Variants in KHDRBS2 observed in about 807,000 individuals in gnomAD.
KHDRBS2 encodes the protein KH RNA binding domain containing, signal transduction associated 2.
KHDRBS2 carries 26 observed loss-of-function variants against 44.3 expected under a neutral mutation model. The ratio of observed to expected loss-of-function variants is 0.59; its 90% CI spans 0.43 to 0.81. The LOEUF (loss-of-function observed/expected upper bound fraction) is 0.81. Ranked by LOEUF, KHDRBS2 falls within the 40% of genes least tolerant of loss-of-function variation. The pLI is 0.00. For missense variants in KHDRBS2, 476 were observed against 433.1 expected (o/e 1.10, Z -0.88); for synonymous variants, 194 against 151.1 (o/e 1.28, Z -2.08).
At chr6:62,197,920 A>T (rs975258893) in intron 1 of KHDRBS2, among the ~76,000 whole-genome samples, 2 of 152,228 alleles carry the variant, frequency 1.3e-5, no homozygotes, top group African/African-American at 4.8e-5. Flanking sequence ...ACTACAACTC[A>T]GCATTAAGAA....
chr6:62,282,995 A>C (rs1193174440), intron 1 of KHDRBS2, among the ~76,000 whole-genome samples: 6 of 152,156 alleles, frequency 3.9e-5, no homozygotes, highest in African/African-American at 9.6e-5. Flanking sequence ...AGCAGAAAAG[A>C]TATAAATAAA....
chr6:61,972,491 C>T (rs1771640628), intron 4 of KHDRBS2, among the ~76,000 whole-genome samples: 1 of 152,062 alleles, frequency 6.6e-6, no homozygotes, highest in Admixed American at 6.6e-5. Context: ...GTGCTTACTG[C>T]CATTAGCTAC....
intron 6 of KHDRBS2, 74 bp from the exon 7 acceptor site, chr6:61,732,838 T>G: frequency 1.2e-6 from 1 of 807,634 alleles, no homozygotes; most frequent in Non-Finnish European, 2.2e-6. Context: ...TTAGCACAAT[T>G]TTATACAATG....
the KHDRBS2 span, among the ~76,000 whole-genome samples, chr6:61,568,233 G>A: frequency 6.6e-6 from 1 of 151,994 alleles, no homozygotes; most frequent in Non-Finnish European, 1.5e-5. Context: ...TGTTGTTTTG[G>A]GTACTATAGC....
At chr6:61,955,841 C>G (rs1365322219) in intron 4 of KHDRBS2, among the ~76,000 whole-genome samples, 2 of 151,998 alleles carry the variant, frequency 1.3e-5, no homozygotes, top group East Asian at 3.9e-4. Context: ...CCTATGAGGT[C>G]AGCACTATAA....
chr6:61,572,507 TAACA>T, the KHDRBS2 span, among the ~76,000 whole-genome samples: 1 of 151,666 alleles, frequency 6.6e-6, no homozygotes, highest in South Asian at 2.1e-4. Context: ...GGAAAAGACA[TAACA>T]AACAAACAAA....
chr6:62,169,121 A>G (rs1235394123), intron 2 of KHDRBS2, among the ~76,000 whole-genome samples: 1 of 137,514 alleles, frequency 7.3e-6, no homozygotes, highest in Admixed American at 7.3e-5. Context: ...ATATGTGTGT[A>G]TATATACATA....
At chr6:61,820,084 T>C (rs1562244247) in intron 6 of KHDRBS2, among the ~76,000 whole-genome samples, 2 of 152,056 alleles carry the variant, frequency 1.3e-5, no homozygotes, top group Non-Finnish European at 2.9e-5. Flanking sequence ...TTCAAGAACC[T>C]TGCTCTCAAT....
chr6:61,630,739 G>A, the KHDRBS2 span, among the ~76,000 whole-genome samples: 351 of 152,242 alleles, frequency 2.3e-3, 2 homozygotes, highest in African/African-American at 8.2e-3. Flanking sequence ...TATTGAACAG[G>A]GGAAAGATTT....
intron 1 of KHDRBS2, among the ~76,000 whole-genome samples, chr6:62,199,533 T>A (rs1025076973): frequency 6.6e-6 from 1 of 152,102 alleles, no homozygotes; most frequent in Non-Finnish European, 1.5e-5. Flanking sequence ...ACAAGGGATG[T>A]GAAAGACCTC....
intron 1 of KHDRBS2, among the ~76,000 whole-genome samples, chr6:62,193,025 C>T (rs919938458): frequency 5.3e-5 from 8 of 152,000 alleles, no homozygotes; most frequent in African/African-American, 1.7e-4. Flanking sequence ...AATTGGAAGG[C>T]CATCTCCCTT....
At chr6:62,194,480 C>CTTTTTTTTTTTTTTTTT (rs70996208) in intron 1 of KHDRBS2, among the ~76,000 whole-genome samples, 13 of 69,772 alleles carry the variant, frequency 1.9e-4, no homozygotes, top group South Asian at 6.2e-4. Context: ...TCTTTTCTTC[C>CTTTTTTTTTTTTTTTTT]TTTTTTTTTT....
chr6:61,800,998 C>T (rs146749277), intron 6 of KHDRBS2, among the ~76,000 whole-genome samples: 2 of 152,202 alleles, frequency 1.3e-5, no homozygotes, highest in African/African-American at 2.4e-5. Flanking sequence ...TACTGGATTT[C>T]CTTTAGGCCA....
At chr6:61,722,084 T>A (rs139200510) in intron 7 of KHDRBS2, among the ~76,000 whole-genome samples, 1,722 of 152,250 alleles carry the variant, frequency 0.011, 33 homozygotes, top group African/African-American at 0.04. Context: ...ATTACATTTA[T>A]TGATTTGCGT....
chr6:62,254,535 A>C (rs1373292591), intron 1 of KHDRBS2, among the ~76,000 whole-genome samples: 1 of 152,070 alleles, frequency 6.6e-6, no homozygotes, highest in Non-Finnish European at 1.5e-5. Context: ...CAGTCATGCA[A>C]AGATCTGGGA....
chr6:61,725,601 A>T (rs1327345441), intron 7 of KHDRBS2, among the ~76,000 whole-genome samples: 1 of 152,146 alleles, frequency 6.6e-6, no homozygotes, highest in Non-Finnish European at 1.5e-5. Context: ...ATCAGAAATG[A>T]TAAGGGGGAT....
In KHDRBS2 at chr6:61,993,673, A is replaced by ATATTT. The variant is rs1425839225; in HGVS notation, c.337-15462_337-15461insAAATA. ...ATCATATATATATATATATATATATATTTTTTTTTTTTGATGTGAGCTTAT... is the reference window on the plus strand; with the variant it reads ...ATCATATATATATATATATATATATATATTTTTTTTTTTTTTTGATGTGAGCTTAT... On this transcript the variant is annotated intron_variant, in intron 3 of 8. Transcript: ENST00000281156. Among the ~76,000 whole-genome samples the ATATTT allele has an allele frequency of 1.1e-3, 128 of 115,674 alleles. 3 individuals carry two copies. Among genetic ancestry groups the ATATTT allele is most frequent in the African/African-American group, 4.1e-3 (126 of 30,968 alleles). 75.9% of individuals were successfully genotyped at this position (115,674 alleles called of 152,430 possible). A position where few individuals can be genotyped will look rare whatever the true frequency, so the allele number is the denominator to read the frequency against.
chr6:62,257,485 C>CA (rs963526102), intron 1 of KHDRBS2, among the ~76,000 whole-genome samples: 7 of 152,038 alleles, frequency 4.6e-5, no homozygotes, highest in African/African-American at 1.7e-4. Flanking sequence ...AAGCCTTCTA[C>CA]AACAGGCATT....
intron 6 of KHDRBS2, among the ~76,000 whole-genome samples, chr6:61,736,129 C>G (rs1225047012): frequency 2.8e-5 from 4 of 144,660 alleles, no homozygotes; most frequent in African/African-American, 1.0e-4. Context: ...ATAACCCTTA[C>G]TAGTGAGATT....
Sources: allele counts gnomAD v4.1 joint callset (sites outside exome capture counted in the v4.1 genomes callset), GRCh38; gene constraint gnomAD v4.1.1; transcripts MANE v1.5; gene names NCBI Gene and HGNC (gene_info 2026-07-23, HGNC 2026-07-21).